ADAMTS12: variants seen among roughly 807,000 people sequenced by gnomAD.
The protein encoded by ADAMTS12 is A disintegrin and metalloproteinase with thrombospondin motifs 12.
ADAMTS12 carries 118 observed loss-of-function variants against 167.8 expected under a neutral mutation model. The ratio of observed to expected loss-of-function variants is 0.70; its 90% CI spans 0.61 to 0.82. ADAMTS12 has a LOEUF of 0.82. Ranked by LOEUF, ADAMTS12 falls within the 40% of genes least tolerant of loss-of-function variation. ADAMTS12 has a pLI of 0.00. For missense variants in ADAMTS12, 1,916 were observed against 1,998.8 expected (o/e 0.96, Z 0.79); for synonymous variants, 704 against 716.9 (o/e 0.98, Z 0.29).
chr5:33,617,460 C>T (rs4077001), intron 14 of ADAMTS12, among the ~76,000 whole-genome samples: 18,425 of 152,126 alleles, frequency 0.12, 1,468 homozygotes, highest in East Asian at 0.37. Context: ...CAACCTCTGC[C>T]TCATTTTTCA....
At chr5:33,621,418 A>G (rs190948463) in intron 14 of ADAMTS12, among the ~76,000 whole-genome samples, 3,329 of 148,912 alleles carry the variant, frequency 0.022, 144 homozygotes, top group African/African-American at 0.077. Context: ...AAAAAAAAAA[A>G]AGAATATTCA....
chr5:33,624,499 C>G, intron 13 of ADAMTS12, 148 bp from the exon 14 acceptor site: 1 of 1,172,474 alleles, frequency 8.5e-7, no homozygotes, highest in Non-Finnish European at 1.2e-6. Flanking sequence ...CTGGTGGCAG[C>G]AAGAGGAATA....
chr5:33,683,823 C>G, intron 4 of ADAMTS12, 36 bp downstream of exon 4: 15 of 1,393,402 alleles, frequency 1.1e-5, no homozygotes, highest in Non-Finnish European at 1.4e-5. Flanking sequence ...GACATCTGTT[C>G]ACTAGCTGCC....
chr5:33,631,630 C>T (rs1476047891), intron 12 of ADAMTS12, among the ~76,000 whole-genome samples: 1 of 152,070 alleles, frequency 6.6e-6, no homozygotes, highest in East Asian at 1.9e-4. Context: ...TAATAAAATG[C>T]ATACCCATAT....
In ADAMTS12 at chr5:33,730,289, G is replaced by GGGGTGTGT. The variant is rs1554038433; in HGVS notation, c.634+21114_634+21115insACACACCC. ...CTATTATGAGATCAGAGTCCATTAG[G>GGGGTGTGT]GTGTGTGTGTGTGTGTGTGTGTGTG... On this transcript the variant is annotated intron_variant, in intron 3 of 23. Coordinates refer to ENST00000504830, the MANE Select transcript of ADAMTS12 (RefSeq NM_030955.4). 9.6e-4 allele frequency among the ~76,000 whole-genome samples: 138 copies of GGGGTGTGT among 144,260 alleles called. 1 individual carries two copies. Among genetic ancestry groups the GGGGTGTGT allele is most frequent in the Admixed American group, 1.9e-3 (28 of 14,478 alleles). 94.6% of individuals were successfully genotyped at this position (144,260 alleles called of 152,430 possible). A position where few individuals can be genotyped will look rare whatever the true frequency, so the allele number is the denominator to read the frequency against.
At chr5:33,829,985 C>A (rs1447394333) in intron 2 of ADAMTS12, among the ~76,000 whole-genome samples, 3 of 152,196 alleles carry the variant, frequency 2.0e-5, no homozygotes, top group African/African-American at 7.2e-5. Flanking sequence ...AATGTTAGAA[C>A]CCTGAGCCCT....
chr5:33,740,997 C>T (rs1744555631), intron 3 of ADAMTS12, among the ~76,000 whole-genome samples: 1 of 152,196 alleles, frequency 6.6e-6, no homozygotes, highest in Admixed American at 6.5e-5. Context: ...AGCACTACAC[C>T]CCAAGCATGG....
intron 5 of ADAMTS12, among the ~76,000 whole-genome samples, chr5:33,666,779 C>A (rs1741486653): frequency 6.6e-6 from 1 of 152,120 alleles, no homozygotes; most frequent in African/African-American, 2.4e-5. Context: ...GCGTGAGCCA[C>A]CATGCCCGGC....
chr5:33,601,315 A>G (rs929863094), intron 16 of ADAMTS12, among the ~76,000 whole-genome samples: 34 of 152,190 alleles, frequency 2.2e-4, no homozygotes, highest in Non-Finnish European at 1.2e-4. Flanking sequence ...TGTTGTGAGG[A>G]CAAAATGATG....
intron 2 of ADAMTS12, among the ~76,000 whole-genome samples, chr5:33,831,935 G>C (rs1748316376): frequency 6.6e-6 from 1 of 152,184 alleles, no homozygotes; most frequent in Admixed American, 6.5e-5. Context: ...AAAGCATTCT[G>C]CCAGGAATGA....
At chr5:33,814,523 C>T (rs1031969892) in intron 2 of ADAMTS12, among the ~76,000 whole-genome samples, 19 of 152,136 alleles carry the variant, frequency 1.2e-4, no homozygotes, top group African/African-American at 4.3e-4. Flanking sequence ...AAATCCAAAG[C>T]AGATATTTAG....
At chr5:33,726,948 C>T (rs1250170882) in intron 3 of ADAMTS12, among the ~76,000 whole-genome samples, 1 of 150,840 alleles carries the variant, frequency 6.6e-6, no homozygotes, top group South Asian at 2.1e-4. Flanking sequence ...ATCTCCTGGG[C>T]TTGGATCTAA....
chr5:33,616,097 A>G (rs1184037460), intron 14 of ADAMTS12, 25 bp from the exon 15 acceptor site: 9 of 1,611,018 alleles, frequency 5.6e-6, no homozygotes, highest in Non-Finnish European at 6.8e-6. Context: ...CACAATCATG[A>G]AAGAGGCACG....
intron 2 of ADAMTS12, among the ~76,000 whole-genome samples, chr5:33,850,895 G>A (rs1749197058): frequency 6.6e-6 from 1 of 152,078 alleles, no homozygotes; most frequent in Non-Finnish European, 1.5e-5. Context: ...GATATGCTTT[G>A]GTCAGAGTTC....
chr5:33,769,679 C>CAG (rs1044113978), intron 2 of ADAMTS12, among the ~76,000 whole-genome samples: 59 of 152,242 alleles, frequency 3.9e-4, no homozygotes, highest in African/African-American at 1.4e-3. Context: ...AGAAAAATCA[C>CAG]AACTAGAAAG....
At chr5:33,555,568 C>T (rs140688156) in intron 20 of ADAMTS12, among the ~76,000 whole-genome samples, 78 of 152,278 alleles carry the variant, frequency 5.1e-4, no homozygotes, top group African/African-American at 1.7e-3. Context: ...CAAATTTTAA[C>T]ATTCTGAAAC....
chr5:33,549,812 C>T (rs1320570344), intron 20 of ADAMTS12, among the ~76,000 whole-genome samples: 2 of 152,250 alleles, frequency 1.3e-5, no homozygotes, highest in Non-Finnish European at 2.9e-5. Context: ...TATCCCTTCC[C>T]AGGAGTGGGC....
intron 2 of ADAMTS12, among the ~76,000 whole-genome samples, chr5:33,769,567 G>A (rs1170400243): frequency 6.6e-6 from 1 of 152,208 alleles, no homozygotes; most frequent in Non-Finnish European, 1.5e-5. Context: ...GATGTTGTGA[G>A]TCCATCTCAG....
At position 33,576,547 on chromosome 5, in the gene ADAMTS12, CCT is replaced by C; in HGVS notation, c.3477_3478del (p.Glu1161ArgfsTer6). ...GTCCTCAGGCTGTTCTCTTTCTTCC[CCT>C]GAGCCACTGTGAATCTCCATTTCTG... On this transcript the variant is annotated frameshift_variant, in exon 19 of 24. Coordinates refer to ENST00000504830, the MANE Select transcript of ADAMTS12 (RefSeq NM_030955.4). LOFTEE classifies it high-confidence loss of function. The C allele has an allele frequency of 6.2e-7, 1 of 1,613,876 alleles. No homozygotes were observed.
Sources: allele counts gnomAD v4.1 joint callset (sites outside exome capture counted in the v4.1 genomes callset), GRCh38; gene constraint gnomAD v4.1.1; transcripts MANE v1.5; gene names NCBI Gene and HGNC (gene_info 2026-07-23, HGNC 2026-07-21).